LSAMP: variants seen among roughly 807,000 people sequenced by gnomAD.
LSAMP encodes the protein limbic system-associated membrane protein.
In LSAMP, 7 loss-of-function variants were observed where a neutral mutation model predicts 38.6. The observed-to-expected ratio is 0.18, with a 90% confidence interval of 0.10 to 0.34. The LOEUF (loss-of-function observed/expected upper bound fraction) is 0.34, where lower values mean the gene tolerates loss of function less well. LSAMP is among the 10% of genes least tolerant of loss of function. The pLI is 1.00. For synonymous variants in LSAMP, 154 were observed against 166.8 expected, an observed-to-expected ratio of 0.92 and a Z score of 0.59; for missense variants, 313 against 420.0, an observed-to-expected ratio of 0.75 and a Z score of 2.23.
At chr3:116,072,068 C>T (rs573948849) in intron 2 of LSAMP, among the ~76,000 whole-genome samples, 100 of 150,850 alleles carry the variant, frequency 6.6e-4, no homozygotes, top group South Asian at 4.9e-3. Flanking sequence ...CTCTGCCTCC[C>T]GGGTTCATGC....
chr3:115,889,823 C>A (rs530063510), intron 3 of LSAMP, among the ~76,000 whole-genome samples: 2 of 152,064 alleles, frequency 1.3e-5, no homozygotes, highest in Non-Finnish European at 2.9e-5. Flanking sequence ...CAAAACGAAT[C>A]CTGTCTGTGC....
At chr3:116,107,337 A>G (rs1298145077) in intron 1 of LSAMP, among the ~76,000 whole-genome samples, 10 of 152,214 alleles carry the variant, frequency 6.6e-5, no homozygotes, top group African/African-American at 2.4e-4. Flanking sequence ...TGAAAAATGT[A>G]GAGTGAGTTG....
At chr3:116,069,559 GA>G (rs35703124) in intron 2 of LSAMP, among the ~76,000 whole-genome samples, 58,183 of 147,978 alleles carry the variant, frequency 0.39, 11,319 homozygotes, top group Admixed American at 0.44. Flanking sequence ...ACTTTCCTCA[GA>G]AAAAAAAAAA....
At chr3:116,153,373 T>A (rs1709655306) in intron 1 of LSAMP, among the ~76,000 whole-genome samples, 1 of 152,150 alleles carries the variant, frequency 6.6e-6, no homozygotes, top group Non-Finnish European at 1.5e-5. Flanking sequence ...AGCTCAGCTT[T>A]GCAGGGTTTC....
At chr3:115,848,377 T>C (rs986237327) in intron 4 of LSAMP, among the ~76,000 whole-genome samples, 3 of 152,156 alleles carry the variant, frequency 2.0e-5, no homozygotes, top group African/African-American at 7.2e-5. Context: ...TTAGCTGAGA[T>C]TGGGCCACCG....
intron 4 of LSAMP, among the ~76,000 whole-genome samples, chr3:115,852,265 T>C (rs1402463124): frequency 2.0e-5 from 3 of 152,230 alleles, no homozygotes; most frequent in Non-Finnish European, 4.4e-5. Context: ...TAGAAAAGGG[T>C]ACTGTTAAAT....
intron 1 of LSAMP, among the ~76,000 whole-genome samples, chr3:116,415,959 A>G (rs1157290456): frequency 1.3e-5 from 2 of 152,134 alleles, no homozygotes. Flanking sequence ...GTTTATTCCA[A>G]CTCAAACATT....
chr3:116,391,519 C>T (rs1227943881), intron 1 of LSAMP, among the ~76,000 whole-genome samples: 1 of 152,110 alleles, frequency 6.6e-6, no homozygotes, highest in Non-Finnish European at 1.5e-5. Flanking sequence ...TGGGGGCCAC[C>T]ACAGTGGGGT....
intron 3 of LSAMP, among the ~76,000 whole-genome samples, chr3:115,928,973 G>GTTTTTTTTTTTTTTTTTTTTTTTTTTTTT (rs67711628): frequency 1.8e-5 from 2 of 109,928 alleles, no homozygotes; most frequent in African/African-American, 7.1e-5. Flanking sequence ...TTTTTTGTTT[G>GTTTTTTTTTTTTTTTTTTTTTTTTTTTTT]TTTTTTTTTT....
chr3:115,916,618 T>G (rs369391018), intron 3 of LSAMP, among the ~76,000 whole-genome samples: 8 of 152,352 alleles, frequency 5.3e-5, no homozygotes, highest in South Asian at 2.1e-4. Context: ...TCATTCATTT[T>G]AAATCCAACT....
chr3:116,127,457 G>A (rs1232608185), intron 1 of LSAMP, among the ~76,000 whole-genome samples: 1 of 151,990 alleles, frequency 6.6e-6, no homozygotes, highest in Non-Finnish European at 1.5e-5. Context: ...TACCCAACAG[G>A]TGACAGAAAG....
chr3:116,039,436 G>T (rs1941119287), intron 2 of LSAMP, among the ~76,000 whole-genome samples: 2 of 152,164 alleles, frequency 1.3e-5, no homozygotes, highest in African/African-American at 2.4e-5. Context: ...ACATTTAAAA[G>T]CATTACTTCA....
chr3:115,901,756 A>G (rs1312091206), intron 3 of LSAMP, among the ~76,000 whole-genome samples: 5 of 152,170 alleles, frequency 3.3e-5, no homozygotes, highest in African/African-American at 4.8e-5. Context: ...TTAGTTCAAC[A>G]TCTTATCTCA....
intron 1 of LSAMP, among the ~76,000 whole-genome samples, chr3:116,410,364 C>G (rs1420934072): frequency 2.6e-5 from 4 of 151,990 alleles, no homozygotes; most frequent in Admixed American, 2.6e-4. Context: ...CTAATGGACT[C>G]TGGTGAAGCT....
intron 1 of LSAMP, among the ~76,000 whole-genome samples, chr3:116,108,910 G>T (rs951323176): frequency 6.6e-6 from 1 of 151,964 alleles, no homozygotes; most frequent in African/African-American, 2.4e-5. Context: ...ACTTTTTTCT[G>T]TTATTGTACA....
chr3:116,099,506 T>C (rs1166381849), intron 1 of LSAMP, among the ~76,000 whole-genome samples: 1 of 152,202 alleles, frequency 6.6e-6, no homozygotes, highest in African/African-American at 2.4e-5. Context: ...ATCTTAATAT[T>C]CTGCAGGAAA....
At chr3:116,121,239 G>A (rs1708868687) in intron 1 of LSAMP, among the ~76,000 whole-genome samples, 1 of 152,172 alleles carries the variant, frequency 6.6e-6, no homozygotes, top group Admixed American at 6.5e-5. Flanking sequence ...AGGACTCAGT[G>A]AGCAGGAGAT....
At chr3:115,839,274 C>T (rs867743120) in intron 6 of LSAMP, among the ~76,000 whole-genome samples, 43 of 115,404 alleles carry the variant, frequency 3.7e-4, no homozygotes, top group South Asian at 1.4e-3. Flanking sequence ...TCCTTCCTTC[C>T]TTCCTTCCTT....
At chr3:116,317,954 G>C (rs2107726009) in intron 1 of LSAMP, among the ~76,000 whole-genome samples, 1 of 151,580 alleles carries the variant, frequency 6.6e-6, no homozygotes, top group African/African-American at 2.4e-5. Flanking sequence ...TGGCCAACAT[G>C]GTGAAACCCT....
Sources: gnomAD v4.1 joint callset for allele counts (sites outside exome capture counted in the v4.1 genomes callset) on GRCh38, gnomAD v4.1.1 for gene constraint, MANE v1.5 for transcripts, NCBI Gene and HGNC (gene_info 2026-07-23, HGNC 2026-07-21) for gene names.